Variants in ZIM2 observed in about 807,000 individuals in gnomAD.
ZIM2 encodes the protein zinc finger protein 656.
Under a neutral mutation model 38.6 loss-of-function variants are expected in ZIM2, and 14 were observed. The ratio of observed to expected loss-of-function variants is 0.36; its 90% CI spans 0.24 to 0.57. The LOEUF (loss-of-function observed/expected upper bound fraction) is 0.57, where lower values mean the gene tolerates loss of function less well. Ranked by LOEUF, ZIM2 falls within the 20% of genes least tolerant of loss-of-function variation. The pLI is 0.81. For synonymous variants in ZIM2, 247 were observed against 245.8 expected (o/e 1.00, Z -0.04); for missense variants, 680 against 695.1 (o/e 0.98, Z 0.24).
At chr19:56,823,497 G>C in intron 5 of ZIM2, 93 bp downstream of exon 5, 1 of 1,461,284 alleles carries the variant, frequency 6.8e-7, no homozygotes, top group Non-Finnish European at 9.5e-7. Context: ...GGGATGGCGG[G>C]TCATCTTCAT....
intron 4 of ZIM2, 116 bp downstream of exon 4, chr19:56,824,146 C>T (rs914865761): frequency 1.1e-5 from 17 of 1,486,262 alleles, no homozygotes; most frequent in African/African-American, 5.6e-5. Context: ...ACATCCCCAC[C>T]GCTGCCCAGG....
In ZIM2 at chr19:56,813,455, T is replaced by A. The variant is rs549199414; in HGVS notation, c.490+4291A>T. 1.6e-5 allele frequency: 22 copies of A among 1,379,788 alleles called. No homozygotes were observed. In the South Asian group the frequency reaches 3.6e-4, roughly 23 times the overall value. The allele number at this position is 1,379,788 out of a possible 1,614,324, so 85.5% of individuals were successfully genotyped here. A position where few individuals can be genotyped will look rare whatever the true frequency, so the allele number is the denominator to read the frequency against. On this transcript the variant is annotated intron_variant, in intron 9 of 12. Coordinates refer to ENST00000629319, the MANE Select transcript of ZIM2 (RefSeq NM_001387356.1). ...GGAAAGGTAAGATGTGTGCTATGGC[T>A]TTCCCACATGCAGACACTGACATCT...
Position 56,821,723 on chromosome 19 carries a change from C to A in ZIM2, c.222G>T (p.Val74=). 1.2e-6 allele frequency: 2 copies of A among 1,614,012 alleles called. No homozygotes were observed. The highest frequency in any genetic ancestry group is 1.7e-6 in the Non-Finnish European group (2 of 1,180,024). Residue 74 remains valine (V), a synonymous_variant, in exon 7 of 13, where the codon GTG becomes GTT. Coordinates refer to ENST00000629319, the MANE Select transcript of ZIM2 (RefSeq NM_001387356.1). ...RMPPRDLSLP[V]VAKTSFEMDR... ...CCATTTCAAAGCTTGTTTTCGCCAC[C>A]ACAGGAAGGGAAAGATCCCGCGGAG... is the stretch of plus-strand genomic sequence containing the variant.
intron 9 of ZIM2, among the ~76,000 whole-genome samples, chr19:56,808,791 C>T (rs1259193755): frequency 6.6e-6 from 1 of 152,154 alleles, no homozygotes; most frequent in Non-Finnish European, 1.5e-5. Flanking sequence ...CAGCCAGACT[C>T]CACAAGGCAC....
chr19:56,833,028 C>T, intron 2 of ZIM2: 1 of 385,898 alleles, frequency 2.6e-6, no homozygotes, highest in Non-Finnish European at 5.2e-6. Flanking sequence ...CAGGGAAGAT[C>T]CATGGCTTTA....
At chr19:56,832,727 G>T (rs1466938243) in intron 2 of ZIM2, among the ~76,000 whole-genome samples, 3 of 152,190 alleles carry the variant, frequency 2.0e-5, no homozygotes, top group African/African-American at 7.2e-5. Context: ...TACACAGCCA[G>T]GCAGGAAGGG....
chr19:56,783,106 T>G (rs1361505963), intron 10 of ZIM2, among the ~76,000 whole-genome samples: 2 of 152,132 alleles, frequency 1.3e-5, no homozygotes, highest in African/African-American at 4.8e-5. Context: ...CATGTGTACT[T>G]AAAGACATGG....
In ZIM2 at chr19:56,775,447, C is replaced by G. The variant is rs143039317; in HGVS notation, c.918G>C (p.Lys306Asn). 1.2e-6 allele frequency: 2 copies of G among 1,614,046 alleles called. No individual in the cohort carries two copies. Among genetic ancestry groups the G allele is most frequent in the Admixed American group, 1.7e-5 (1 of 60,008 alleles). ...CATAGCTTCTTTCCGGAGTGAGGGT[C>G]TTGGGGTCATTCATTGTTATAGGAG... is the stretch of plus-strand genomic sequence containing the variant. The part of the protein sequence containing the change: ...LLTPITMNDP[K>N]TLTPERSYGS... The change falls in exon 13 of 13, where the codon AAG (lysine) becomes AAC (asparagine). Residue 306 changes from lysine to asparagine, a missense_variant. Transcript: ENST00000629319.
intron 9 of ZIM2, among the ~76,000 whole-genome samples, chr19:56,793,774 C>A (rs2047059883): frequency 6.6e-6 from 1 of 151,402 alleles, no homozygotes; most frequent in East Asian, 1.9e-4. Flanking sequence ...GAATGCTAAA[C>A]AGAAAATATG....
At position 56,827,183 on chromosome 19, in the gene ZIM2, T is replaced by C. The variant is rs543872525; in HGVS notation, c.-226-720A>G. Among the ~76,000 whole-genome samples the C allele has an allele frequency of 2.6e-5, 4 of 152,318 alleles. No homozygotes were observed. The South Asian group carries it at 6.2e-4, about 24-fold the overall frequency. On this transcript the variant is annotated intron_variant, in intron 2 of 12. Transcript: ENST00000629319. ...CACAGAAAAGAGATGGAGGACTTCC[T>C]ACAATTAATTTTGTGACCACTTGAA...
chr19:56,812,871 A>G (rs1426508482), intron 9 of ZIM2: 20 of 985,442 alleles, frequency 2.0e-5, no homozygotes, highest in Non-Finnish European at 2.4e-5. Context: ...CATGAGAACC[A>G]CTTCAACAAA....
chr19:56,823,232 A>C (rs2060673108), intron 5 of ZIM2, among the ~76,000 whole-genome samples: 1 of 152,160 alleles, frequency 6.6e-6, no homozygotes, highest in African/African-American at 2.4e-5. Context: ...AAACCCAAGA[A>C]AACAACACAC....
rs1452885066 is a variant in ZIM2, at chr19:56,814,808, G to A, written c.490+2938C>T. The A allele has an allele frequency of 6.2e-6, 10 of 1,614,024 alleles. No homozygotes were observed. The highest frequency in any genetic ancestry group is 2.2e-5 in the East Asian group (1 of 44,890). On this transcript the variant is annotated intron_variant, in intron 9 of 12. Coordinates refer to ENST00000629319, the MANE Select transcript of ZIM2 (RefSeq NM_001387356.1). The surrounding 1 kb of genome is among the most constrained non-coding windows in gnomAD (Gnocchi z 5.8). ...AGAGCAGGATTCCTCTCTGCAGCAC[G>A]ATTCCTCCGTGGCTTCATGGGCAAG...
At chr19:56,822,866 C>CA in intron 5 of ZIM2, 30 bp from the exon 6 acceptor site, 3 of 1,604,990 alleles carry the variant, frequency 1.9e-6, no homozygotes, top group Non-Finnish European at 2.6e-6. Flanking sequence ...CAGTGGTTAA[C>CA]AAAGCTCTTT....
intron 5 of ZIM2, among the ~76,000 whole-genome samples, chr19:56,823,176 T>C (rs2060666961): frequency 2.0e-5 from 3 of 152,136 alleles, no homozygotes; most frequent in Non-Finnish European, 4.4e-5. Flanking sequence ...CCCTACTGTC[T>C]GGCAGCCGAT....
At chr19:56,797,800 G>A (rs2047307966) in intron 9 of ZIM2, among the ~76,000 whole-genome samples, 1 of 152,140 alleles carries the variant, frequency 6.6e-6, no homozygotes, top group Non-Finnish European at 1.5e-5. Context: ...GTACCTATGG[G>A]AGACTACCTG....
At chr19:56,789,821 A>C in intron 10 of ZIM2, 51 bp downstream of exon 10, 1 of 1,413,700 alleles carries the variant, frequency 7.1e-7, no homozygotes, top group Non-Finnish European at 9.5e-7. Flanking sequence ...ACAAATTAGG[A>C]AGATAAGATC....
intron 1 of ZIM2, among the ~76,000 whole-genome samples, chr19:56,837,508 T>A (rs1040120490): frequency 6.6e-6 from 1 of 152,240 alleles, no homozygotes; most frequent in Non-Finnish European, 1.5e-5. Context: ...TCCACTTTTC[T>A]GCTCACTGAC....
intron 9 of ZIM2, chr19:56,813,392 T>C: frequency 8.2e-7 from 1 of 1,215,998 alleles, no homozygotes; most frequent in Non-Finnish European, 1.0e-6. Flanking sequence ...AACTCTGTAG[T>C]CTGGAATACT....
Sources: gnomAD v4.1 joint callset for allele counts (sites outside exome capture counted in the v4.1 genomes callset) on GRCh38, gnomAD v4.1.1 for gene constraint, Gnocchi (gnomAD v3.1) non-coding constraint, MANE v1.5 for transcripts, NCBI Gene and HGNC (gene_info 2026-07-23, HGNC 2026-07-21) for gene names.